SAMD12: variants seen among roughly 807,000 people sequenced by gnomAD.
SAMD12 encodes sterile alpha motif domain-containing protein 12.
SAMD12 carries 9 observed loss-of-function variants against 15.0 expected under a neutral mutation model. That is an observed-to-expected ratio of 0.60 (90% CI 0.36 to 1.05). The LOEUF (loss-of-function observed/expected upper bound fraction) is 1.05. Ranked by LOEUF, SAMD12 falls within the 50% of genes least tolerant of loss-of-function variation. The probability of loss-of-function intolerance (pLI) is 0.01; values close to 1 mark genes in which losing one functional copy is unlikely to be tolerated. For missense variants in SAMD12, 230 were observed against 234.2 expected (o/e 0.98, Z 0.12); for synonymous variants, 86 against 90.1 (o/e 0.96, Z 0.25).
At chr8:118,413,183 G>A (rs1456388101) in intron 3 of SAMD12, among the ~76,000 whole-genome samples, 1 of 152,114 alleles carries the variant, frequency 6.6e-6, no homozygotes, top group Non-Finnish European at 1.5e-5. Context: ...CTCAGCAAAT[G>A]TAGCCTAAAT....
chr8:118,322,526 TA>T (rs1389509081), intron 4 of SAMD12, among the ~76,000 whole-genome samples: 1 of 152,224 alleles, frequency 6.6e-6, no homozygotes, highest in African/African-American at 2.4e-5. Context: ...CCAAACACAT[TA>T]CTTACATTAA....
chr8:118,431,052 A>G (rs905078297), intron 3 of SAMD12, among the ~76,000 whole-genome samples: 1 of 152,166 alleles, frequency 6.6e-6, no homozygotes, highest in Non-Finnish European at 1.5e-5. Flanking sequence ...CCTTTATAAA[A>G]AAATTTTTAG....
intron 4 of SAMD12, among the ~76,000 whole-genome samples, chr8:118,303,932 C>T (rs763139266): frequency 6.6e-5 from 10 of 152,186 alleles, no homozygotes; most frequent in Non-Finnish European, 1.2e-4. Context: ...AGCCCGACAA[C>T]GATCTTCGAG....
At chr8:118,477,743 G>T (rs928583576) in intron 2 of SAMD12, among the ~76,000 whole-genome samples, 1 of 151,990 alleles carries the variant, frequency 6.6e-6, no homozygotes, top group Admixed American at 6.5e-5. Flanking sequence ...GGCCGGGCGC[G>T]GTGGCTCACG....
chr8:118,258,083 T>C (rs759488741), intron 4 of SAMD12, among the ~76,000 whole-genome samples: 2 of 152,122 alleles, frequency 1.3e-5, no homozygotes, highest in African/African-American at 2.4e-5. Context: ...CTGAGAGTCT[T>C]GACCTTTCTC....
intron 2 of SAMD12, among the ~76,000 whole-genome samples, chr8:118,518,329 C>T (rs1345150553): frequency 1.3e-5 from 2 of 152,126 alleles, no homozygotes; most frequent in African/African-American, 4.8e-5. Context: ...ACAGAAAAAG[C>T]ATTATCTGCA....
chr8:118,469,534 T>TATATAATATATA (rs1823721778), intron 2 of SAMD12, among the ~76,000 whole-genome samples: 1 of 3,860 alleles, frequency 2.6e-4, no homozygotes, highest in Non-Finnish European at 4.8e-4. Context: ...TAATATATTA[T>TATATAATATATA]ATATATTATA....
chr8:118,360,031 C>T (rs1818412338), intron 4 of SAMD12, among the ~76,000 whole-genome samples: 1 of 152,124 alleles, frequency 6.6e-6, no homozygotes. Context: ...AGGTGGAGCT[C>T]TGGGTCAAAG....
intron 2 of SAMD12, among the ~76,000 whole-genome samples, chr8:118,472,467 G>A (rs1057358304): frequency 1.4e-4 from 21 of 151,950 alleles, no homozygotes; most frequent in Non-Finnish European, 2.9e-4. Flanking sequence ...CAGGAGGACT[G>A]CTTGAGTCCA....
chr8:118,459,408 C>A lies in SAMD12; in HGVS notation c.193-19447G>T, dbSNP rs113156524. Among the ~76,000 whole-genome samples, 780 of 152,254 alleles carry A rather than the reference C, an allele frequency of 5.1e-3. 7 individuals carry two copies. The highest frequency in any genetic ancestry group is 0.018 in the African/African-American group (743 of 41,532). On this transcript the variant is annotated intron_variant, in intron 2 of 3. Transcript: ENST00000314727. ...ATCTATCACATTAACTTTGCAGTTCCTATTTGCAATGCATTCTGATTTATA... is the reference window on the plus strand; with the variant it reads ...ATCTATCACATTAACTTTGCAGTTCATATTTGCAATGCATTCTGATTTATA...
At position 118,524,587 on chromosome 8, in the gene SAMD12, A is replaced by G. The variant is rs142848193; in HGVS notation, c.192+56128T>C. Among the ~76,000 whole-genome samples, 277 of 152,210 alleles carry G rather than the reference A, an allele frequency of 1.8e-3. 1 individual carries two copies. The highest frequency in any genetic ancestry group is 2.9e-3 in the Admixed American group (45 of 15,290). On this transcript the variant is annotated intron_variant, in intron 2 of 3. Coordinates refer to ENST00000314727, the MANE Select transcript of SAMD12 (RefSeq NM_207506.3). ...TGCCAAATATATACCTGCGGCCTGG[A>G]CTTCTCCCTTGAACTTCAGACTTAT...
intron 4 of SAMD12, among the ~76,000 whole-genome samples, chr8:118,238,636 C>G (rs181970578): frequency 3.3e-5 from 5 of 152,234 alleles, no homozygotes; most frequent in Admixed American, 2.6e-4. Context: ...CACATTCATT[C>G]TATAAATATT....
At chr8:118,576,479 C>T (rs150736330) in intron 2 of SAMD12, among the ~76,000 whole-genome samples, 1 of 152,172 alleles carries the variant, frequency 6.6e-6, no homozygotes, top group Non-Finnish European at 1.5e-5. Context: ...TGCTGCCATA[C>T]CTTGGCTCAA....
intron 2 of SAMD12, among the ~76,000 whole-genome samples, chr8:118,557,483 C>G (rs1826573962): frequency 6.6e-6 from 1 of 152,008 alleles, no homozygotes; most frequent in Non-Finnish European, 1.5e-5. Flanking sequence ...ATCTGAGAAG[C>G]TTTTATAAAG....
intron 2 of SAMD12, among the ~76,000 whole-genome samples, chr8:118,523,407 A>T (rs1485744706): frequency 6.6e-6 from 1 of 152,182 alleles, no homozygotes; most frequent in Non-Finnish European, 1.5e-5. Context: ...ATCTATCATA[A>T]CGGTGTGTAG....
chr8:118,375,456 CT>C (rs1819338135), downstream of SAMD12, among the ~76,000 whole-genome samples: 1 of 152,052 alleles, frequency 6.6e-6, no homozygotes. Context: ...AATTATATCT[CT>C]ATGAAGATGT....
chr8:118,329,726 T>C (rs915377827), intron 4 of SAMD12, among the ~76,000 whole-genome samples: 1 of 152,220 alleles, frequency 6.6e-6, no homozygotes, highest in Non-Finnish European at 1.5e-5. Flanking sequence ...ATTTGACTCT[T>C]TTGCTCAACT....
chr8:118,210,385 T>C (rs1819986964), intron 4 of SAMD12, among the ~76,000 whole-genome samples: 1 of 152,132 alleles, frequency 6.6e-6, no homozygotes, highest in Non-Finnish European at 1.5e-5. Context: ...CACTTCCACC[T>C]CCCTAAGGAA....
intron 2 of SAMD12, among the ~76,000 whole-genome samples, chr8:118,531,378 G>C (rs1387863067): frequency 6.6e-6 from 1 of 152,154 alleles, no homozygotes; most frequent in Non-Finnish European, 1.5e-5. Flanking sequence ...CTCCAGCTTT[G>C]TTCTTTTTGC....
Sources: allele counts gnomAD v4.1 joint callset (sites outside exome capture counted in the v4.1 genomes callset), GRCh38; gene constraint gnomAD v4.1.1; transcripts MANE v1.5; gene names NCBI Gene and HGNC (gene_info 2026-07-23, HGNC 2026-07-21).